Variants in TTC29 observed in about 807,000 individuals in gnomAD.
The protein encoded by TTC29 is tetratricopeptide repeat domain 29, also known as tetratricopeptide repeat protein 29.
Under a neutral mutation model 58.1 loss-of-function variants are expected in TTC29, and 49 were observed. That is an observed-to-expected ratio of 0.84 (90% confidence interval 0.67 to 1.07). The LOEUF (loss-of-function observed/expected upper bound fraction) is 1.07, where lower values mean the gene tolerates loss of function less well. TTC29 is among the 50% of genes least tolerant of loss of function. The pLI is 0.00. For missense variants in TTC29, 582 were observed against 555.6 expected, an observed-to-expected ratio of 1.05 and a Z score of -0.48; for synonymous variants, 209 against 196.8, an observed-to-expected ratio of 1.06 and a Z score of -0.52.
At chr4:146,899,426 A>T (rs1732991168) in intron 6 of TTC29, among the ~76,000 whole-genome samples, 1 of 152,166 alleles carries the variant, frequency 6.6e-6, no homozygotes, top group Non-Finnish European at 1.5e-5. Flanking sequence ...AAACCTTACA[A>T]ATAAGGTCAC....
chr4:146,810,463 G>A (rs1750939533), intron 10 of TTC29, among the ~76,000 whole-genome samples: 1 of 151,994 alleles, frequency 6.6e-6, no homozygotes, highest in Admixed American at 6.6e-5. Context: ...GTTTCATATG[G>A]TTCAACCTAA....
chr4:146,785,590 A>G (rs1748949882), intron 11 of TTC29, among the ~76,000 whole-genome samples: 1 of 152,152 alleles, frequency 6.6e-6, no homozygotes, highest in Non-Finnish European at 1.5e-5. Flanking sequence ...GAAGACAGTT[A>G]TTGGGTCCTT....
At chr4:146,709,160 T>A (rs1201278961) in intron 11 of TTC29, among the ~76,000 whole-genome samples, 2 of 152,168 alleles carry the variant, frequency 1.3e-5, no homozygotes, top group Non-Finnish European at 2.9e-5. Flanking sequence ...CCACCTTAAG[T>A]CTCAATTCCT....
At chr4:146,787,872 C>T (rs560779421) in intron 11 of TTC29, among the ~76,000 whole-genome samples, 74 of 147,158 alleles carry the variant, frequency 5.0e-4, no homozygotes, top group African/African-American at 1.7e-3. Context: ...CTCCTCCTGT[C>T]GGTCACCAGC....
At chr4:146,841,877 T>C (rs1275527523) in intron 8 of TTC29, among the ~76,000 whole-genome samples, 2 of 152,062 alleles carry the variant, frequency 1.3e-5, no homozygotes, top group Non-Finnish European at 2.9e-5. Flanking sequence ...AAGCCTACCT[T>C]GAAGGGGTGT....
intron 4 of TTC29, among the ~76,000 whole-genome samples, chr4:146,919,881 A>G (rs1000669710): frequency 2.0e-5 from 3 of 151,136 alleles, no homozygotes; most frequent in African/African-American, 4.8e-5. Context: ...AACAAGTTGC[A>G]TTATAAAGAA....
intron 11 of TTC29, among the ~76,000 whole-genome samples, chr4:146,747,255 C>T (rs1419827078): frequency 6.6e-6 from 1 of 152,112 alleles, no homozygotes; most frequent in African/African-American, 2.4e-5. Flanking sequence ...CCACCTGGGT[C>T]ACACTGCTAC....
chr4:146,863,414 C>G (rs1730371567), intron 8 of TTC29, among the ~76,000 whole-genome samples: 1 of 152,140 alleles, frequency 6.6e-6, no homozygotes, highest in Admixed American at 6.5e-5. Context: ...TCTAGGAAAT[C>G]TCATCCACTC....
At chr4:146,758,044 G>A (rs1050187458) in intron 11 of TTC29, among the ~76,000 whole-genome samples, 1 of 152,064 alleles carries the variant, frequency 6.6e-6, no homozygotes, top group East Asian at 1.9e-4. Context: ...AAAAGGTATA[G>A]AACCACAGAA....
chr4:146,931,127 G>A (rs771159926), intron 4 of TTC29, among the ~76,000 whole-genome samples: 12 of 151,994 alleles, frequency 7.9e-5, no homozygotes, highest in Non-Finnish European at 1.8e-4. Flanking sequence ...AGGACTGCAT[G>A]AAGCCAGGAG....
chr4:146,873,400 A>C (rs1181560349), intron 7 of TTC29, among the ~76,000 whole-genome samples: 10 of 152,210 alleles, frequency 6.6e-5, no homozygotes, highest in Non-Finnish European at 4.4e-5. Context: ...GTAAGAAGTA[A>C]GTCTTCTCTT....
chr4:146,826,008 C>A (rs566431277), intron 9 of TTC29, among the ~76,000 whole-genome samples: 1 of 151,974 alleles, frequency 6.6e-6, no homozygotes, highest in South Asian at 2.1e-4. Context: ...TGTGTCTCTG[C>A]AGGTAAGATG....
chr4:146,914,179 C>T (rs181420349), intron 4 of TTC29, among the ~76,000 whole-genome samples: 30 of 151,974 alleles, frequency 2.0e-4, no homozygotes, highest in African/African-American at 7.0e-4. Flanking sequence ...TAAAATAAAT[C>T]GGCTATCTAA....
chr4:146,754,192 A>T (rs1445231080), intron 11 of TTC29, among the ~76,000 whole-genome samples: 1 of 151,944 alleles, frequency 6.6e-6, no homozygotes, highest in Admixed American at 6.6e-5. Flanking sequence ...ATCATAAGAG[A>T]TTACTTCAAA....
intron 8 of TTC29, among the ~76,000 whole-genome samples, chr4:146,857,277 A>AGT (rs70958531): frequency 0.3 from 45,530 of 149,320 alleles, 6,984 homozygotes; most frequent in African/African-American, 0.36. Flanking sequence ...CTAGTGGAAG[A>AGT]GTGTGTGTGT....
At chr4:146,880,986 C>T (rs1269501791) in intron 6 of TTC29, among the ~76,000 whole-genome samples, 1 of 152,124 alleles carries the variant, frequency 6.6e-6, no homozygotes, top group East Asian at 1.9e-4. Flanking sequence ...AGTTGCTCCA[C>T]TTAAGAAAAC....
intron 2 of TTC29, among the ~76,000 whole-genome samples, chr4:146,940,666 G>A (rs1315314519): frequency 6.6e-6 from 1 of 152,208 alleles, no homozygotes; most frequent in African/African-American, 2.4e-5. Context: ...GGTTGATGCT[G>A]TTAGCTGGGA....
At chr4:146,867,103 A>T (rs1277508852) in intron 8 of TTC29, among the ~76,000 whole-genome samples, 1 of 152,168 alleles carries the variant, frequency 6.6e-6, no homozygotes, top group East Asian at 1.9e-4. Context: ...TTGCTTTATA[A>T]CTGCATTTCT....
intron 8 of TTC29, among the ~76,000 whole-genome samples, chr4:146,846,455 A>G (rs1368452002): frequency 6.6e-6 from 1 of 152,142 alleles, no homozygotes; most frequent in Non-Finnish European, 1.5e-5. Flanking sequence ...TTTTTCTTCC[A>G]TTTACTCTAG....
Sources: allele counts gnomAD v4.1 joint callset (sites outside exome capture counted in the v4.1 genomes callset), GRCh38; gene constraint gnomAD v4.1.1; transcripts MANE v1.5; gene names NCBI Gene and HGNC (gene_info 2026-07-23, HGNC 2026-07-21).